Variants in KDM4C observed in about 807,000 individuals in gnomAD.
KDM4C encodes the protein lysine demethylase 4C.
In KDM4C, 81 loss-of-function variants were observed where a neutral mutation model predicts 129.3. That is an observed-to-expected ratio of 0.63 (90% CI 0.52 to 0.75). The LOEUF (loss-of-function observed/expected upper bound fraction) is 0.75, where lower values mean the gene tolerates loss of function less well. Ranked by LOEUF, KDM4C falls within the 30% of genes least tolerant of loss-of-function variation. The pLI is 0.00. For synonymous variants in KDM4C, 573 were observed against 456.1 expected, an observed-to-expected ratio of 1.26 and a Z score of -3.26; for missense variants, 1,457 against 1,304.0, an observed-to-expected ratio of 1.12 and a Z score of -1.81.
At chr9:6,817,631 A>G (rs745619956) in intron 4 of KDM4C, among the ~76,000 whole-genome samples, 2 of 152,194 alleles carry the variant, frequency 1.3e-5, no homozygotes, top group Non-Finnish European at 2.9e-5. Context: ...TTTTACTAGT[A>G]TAAGTAATCT....
At chr9:7,172,860 G>A (rs1181270347) in intron 21 of KDM4C, among the ~76,000 whole-genome samples, 1 of 152,248 alleles carries the variant, frequency 6.6e-6, no homozygotes, top group African/African-American at 2.4e-5. Flanking sequence ...AGTGAAATGT[G>A]CTGTGTGTTG....
At chr9:7,016,970 C>G (rs1823814508) in intron 15 of KDM4C, among the ~76,000 whole-genome samples, 1 of 152,164 alleles carries the variant, frequency 6.6e-6, no homozygotes, top group South Asian at 2.1e-4. Flanking sequence ...GGGTCTCACT[C>G]TGTCATCCAG....
chr9:6,882,899 G>T (rs1844695025), intron 6 of KDM4C, among the ~76,000 whole-genome samples: 1 of 151,992 alleles, frequency 6.6e-6, no homozygotes, highest in Non-Finnish European at 1.5e-5. Flanking sequence ...AGCCCGATTT[G>T]CAGAGATCCC....
chr9:6,735,078 G>A (rs1170516629), intron 1 of KDM4C: 5 of 430,482 alleles, frequency 1.2e-5, no homozygotes, highest in African/African-American at 1.0e-4. Flanking sequence ...AATCTTCATG[G>A]TTCCAGCAGC....
intron 8 of KDM4C, among the ~76,000 whole-genome samples, chr9:6,947,297 C>T (rs1563863327): frequency 6.6e-6 from 1 of 152,036 alleles, no homozygotes; most frequent in Non-Finnish European, 1.5e-5. Context: ...TTTTTCAATA[C>T]ATTTATTTAC....
intron 19 of KDM4C, among the ~76,000 whole-genome samples, chr9:7,162,959 C>T (rs1266779247): frequency 6.6e-6 from 1 of 152,076 alleles, no homozygotes; most frequent in Admixed American, 6.5e-5. Flanking sequence ...AGTGATAAAG[C>T]AGATATTGAG....
At position 7,147,608 on chromosome 9, in the gene KDM4C, G is replaced by A. The variant is rs555014134; in HGVS notation, c.2782-17630G>A. On this transcript the variant is annotated intron_variant, in intron 19 of 21. Transcript: ENST00000381309. The stretch of plus-strand genomic sequence containing the variant: ...CTATATAGATGGAGCTTTTTTCCCC[G>A]TGTTTGGGGGTGAGAAGTTAAAGTC... Among the ~76,000 whole-genome samples the A allele has an allele frequency of 1.9e-4, 29 of 152,204 alleles. No homozygotes were observed. In the South Asian group the frequency reaches 5.8e-3, roughly 31 times the overall value.
At chr9:6,853,587 C>A (rs1839241986) in intron 5 of KDM4C, among the ~76,000 whole-genome samples, 2 of 152,212 alleles carry the variant, frequency 1.3e-5, no homozygotes, top group African/African-American at 4.8e-5. Flanking sequence ...ACATACATTT[C>A]TAGCTACCGT....
intron 17 of KDM4C, among the ~76,000 whole-genome samples, chr9:7,074,532 A>T (rs1359316891): frequency 6.6e-6 from 1 of 152,132 alleles, no homozygotes; most frequent in Non-Finnish European, 1.5e-5. Flanking sequence ...TTGTTTAGAA[A>T]GTCACGTATA....
chr9:6,915,960 T>A (rs1403096433), intron 8 of KDM4C, among the ~76,000 whole-genome samples: 4 of 152,200 alleles, frequency 2.6e-5, no homozygotes. Context: ...TGTAAAATAG[T>A]ACAAGGTAAT....
At chr9:7,133,686 C>T (rs557552040) in intron 19 of KDM4C, among the ~76,000 whole-genome samples, 1 of 152,288 alleles carries the variant, frequency 6.6e-6, no homozygotes, top group South Asian at 2.1e-4. Context: ...TGTGCCTGCT[C>T]TAAGGGAAAA....
At chr9:7,061,625 T>A (rs540467013) in intron 17 of KDM4C, among the ~76,000 whole-genome samples, 1 of 152,286 alleles carries the variant, frequency 6.6e-6, no homozygotes, top group South Asian at 2.1e-4. Flanking sequence ...GGCTGTGGGC[T>A]CCTCAGAGCC....
intron 4 of KDM4C, chr9:6,835,711 A>T: frequency 1.5e-6 from 1 of 653,230 alleles, no homozygotes; most frequent in East Asian, 2.6e-5. Context: ...GGCTTGACTC[A>T]GGATTTAAAA....
Position 6,986,635 on chromosome 9 carries a change from G to T in KDM4C, c.1646G>T (p.Ser549Ile). The change falls in exon 11 of 22, where the codon AGT (serine) becomes ATT (isoleucine). Residue 549 changes from serine (S) to isoleucine (I), a missense_variant. Ser to Ile is a moderately radical substitution (Grantham distance 142). Coordinates refer to ENST00000381309, the MANE Select transcript of KDM4C (RefSeq NM_015061.6). ...LEPGEIPAVP[S>I]GERNSFKVPS... Reference sequence around the variant, plus strand: ...CCTGGGGAAATCCCAGCGGTCCCCAGTGGAGAGAGAAATAGCTTCAAAGTC... The same window carrying T: ...CCTGGGGAAATCCCAGCGGTCCCCATTGGAGAGAGAAATAGCTTCAAAGTC... The T allele has an allele frequency of 1.2e-6, 2 of 1,611,080 alleles. No homozygotes were observed. Among genetic ancestry groups the T allele is most frequent in the Non-Finnish European group, 1.7e-6 (2 of 1,177,530 alleles).
At chr9:6,885,229 G>T (rs1200085880) in intron 6 of KDM4C, among the ~76,000 whole-genome samples, 1 of 152,062 alleles carries the variant, frequency 6.6e-6, no homozygotes, top group Non-Finnish European at 1.5e-5. Flanking sequence ...TGTCCCTATC[G>T]TTTTACCTTT....
Position 7,092,119 on chromosome 9 carries a change from T to TTC in KDM4C, c.2425-11565_2425-11564insCT, listed in dbSNP as rs1564106210. Among the ~76,000 whole-genome samples, 7 of 152,070 alleles carry TTC rather than the reference T, an allele frequency of 4.6e-5. No individual in the cohort carries two copies. The South Asian group carries it at 6.2e-4, about 14-fold the overall frequency. Reference sequence around the variant, plus strand: ...TATTATTACATTCTGCTGTTTCTTTTTTCTTCTTCTTCTTCATCCTTGAAA... The same window carrying TTC: ...TATTATTACATTCTGCTGTTTCTTTTTCTTCTTCTTCTTCTTCATCCTTGAAA... On this transcript the variant is annotated intron_variant, in intron 17 of 21. Transcript: ENST00000381309.
intron 1 of KDM4C, among the ~76,000 whole-genome samples, chr9:6,792,132 G>A (rs2130869242): frequency 6.6e-6 from 1 of 152,176 alleles, no homozygotes; most frequent in South Asian, 2.1e-4. Context: ...GCTGAGGTCA[G>A]GAGTTCTAGA....
At chr9:6,842,791 A>G (rs1837203494) in intron 4 of KDM4C, among the ~76,000 whole-genome samples, 1 of 149,520 alleles carries the variant, frequency 6.7e-6, no homozygotes, top group Non-Finnish European at 1.5e-5. Flanking sequence ...CATCACCCCC[A>G]ATACCCACGT....
intron 6 of KDM4C, among the ~76,000 whole-genome samples, chr9:6,887,565 C>CT (rs35693795): frequency 2.0e-5 from 3 of 152,248 alleles, no homozygotes; most frequent in Non-Finnish European, 2.9e-5. Context: ...CTTATCTTTC[C>CT]TTTTTTTCCC....
Sources: gnomAD v4.1 joint callset for allele counts (sites outside exome capture counted in the v4.1 genomes callset) on GRCh38, gnomAD v4.1.1 for gene constraint, MANE v1.5 for transcripts, NCBI Gene and HGNC (gene_info 2026-07-23, HGNC 2026-07-21) for gene names.